The following RNF170 variants were observed in gnomAD, a reference collection of about 807,000 sequenced individuals.
The protein encoded by RNF170 is E3 ubiquitin-protein ligase RNF170.
RNF170 carries 12 observed loss-of-function variants against 32.7 expected under a neutral mutation model. The observed-to-expected ratio is 0.37, with a 90% CI of 0.24 to 0.60. The LOEUF is 0.60. Among genes scored for constraint, RNF170 ranks in the 20% least tolerant of loss-of-function variants. The probability of loss-of-function intolerance (pLI) is 0.72; values close to 1 mark genes in which losing one functional copy is unlikely to be tolerated. For synonymous variants in RNF170, 91 were observed against 103.6 expected (o/e 0.88, Z 0.74); for missense variants, 212 against 311.2 (o/e 0.68, Z 2.40).
chr8:42,875,006 T>C (rs1804806629), intron 2 of RNF170, among the ~76,000 whole-genome samples: 1 of 151,584 alleles, frequency 6.6e-6, no homozygotes, highest in Non-Finnish European at 1.5e-5. Flanking sequence ...ACCCTGTCTC[T>C]ATTAAAAATA....
At chr8:42,882,295 A>G (rs944504541) in intron 2 of RNF170, among the ~76,000 whole-genome samples, 7 of 152,238 alleles carry the variant, frequency 4.6e-5, no homozygotes, top group African/African-American at 1.7e-4. Context: ...TAGCAGCATT[A>G]TTCACAACAG....
intron 1 of RNF170, among the ~76,000 whole-genome samples, chr8:42,895,659 G>A (rs1198989044): frequency 6.6e-6 from 1 of 152,166 alleles, no homozygotes; most frequent in African/African-American, 2.4e-5. Flanking sequence ...TGGATTCACT[G>A]TTCTATTCAC....
At chr8:42,863,594 AC>A (rs1803829191) in intron 5 of RNF170, among the ~76,000 whole-genome samples, 1 of 152,186 alleles carries the variant, frequency 6.6e-6, no homozygotes, top group Admixed American at 6.5e-5. Context: ...GGTGTGCGCC[AC>A]CATGCGCAGC....
At chr8:42,857,434 C>G (rs1199095473) in intron 6 of RNF170, among the ~76,000 whole-genome samples, 2 of 152,212 alleles carry the variant, frequency 1.3e-5, no homozygotes, top group Non-Finnish European at 2.9e-5. Context: ...GATACTCTAA[C>G]AAACAGCCAG....
chr8:42,890,141 A>G (rs1464060860), intron 1 of RNF170, among the ~76,000 whole-genome samples: 1 of 151,902 alleles, frequency 6.6e-6, no homozygotes, highest in African/African-American at 2.4e-5. Context: ...AAAAAAATGC[A>G]TTGCATTTGT....
chr8:42,874,516 G>A (rs554252252), intron 2 of RNF170, among the ~76,000 whole-genome samples: 2 of 152,168 alleles, frequency 1.3e-5, no homozygotes, highest in African/African-American at 2.4e-5. Flanking sequence ...CAAGGCGGGT[G>A]GATCACCTGA....
At position 42,854,900 on chromosome 8, in the gene RNF170, C is replaced by T; in HGVS notation, c.*1259G>A. ...TCAAGACATGAATCTGAGCTGTGTG[C>T]TGCCATCCTGAGACAGTATTATAAA... On this transcript the variant is annotated 3_prime_UTR_variant, in exon 7 of 7. Coordinates refer to ENST00000527424, the MANE Select transcript of RNF170 (RefSeq NM_030954.4). 2.3e-6 allele frequency: 3 copies of T among 1,287,242 alleles called. No individual in the cohort carries two copies. Among genetic ancestry groups the T allele is most frequent in the South Asian group, 2.5e-5 (2 of 80,940 alleles). 79.7% of individuals were successfully genotyped at this position (1,287,242 alleles called of 1,614,324 possible).
chr8:42,853,713 TA>T lies in RNF170; in HGVS notation c.*2445del. 7.8e-7 allele frequency: 1 copy of T among 1,287,224 alleles called. No homozygotes were observed. The highest frequency in any genetic ancestry group is 1.0e-6 in the Non-Finnish European group (1 of 988,686). 79.7% of individuals were successfully genotyped at this position (1,287,224 alleles called of 1,614,324 possible). ...AAACTCTGATTGACTCTACTTGCTT[TA>T]AAAACTCTCAGATCCCTTCTGCATT... is the stretch of plus-strand genomic sequence containing the variant. On this transcript the variant is annotated 3_prime_UTR_variant, in exon 7 of 7. Transcript: ENST00000527424.
chr8:42,870,905 G>A (rs1446108207), intron 3 of RNF170, among the ~76,000 whole-genome samples: 1 of 151,964 alleles, frequency 6.6e-6, no homozygotes, highest in Non-Finnish European at 1.5e-5. Context: ...TTGTACCTCA[G>A]GACCTAGAAA....
At position 42,866,320 on chromosome 8, in the gene RNF170, TC is replaced by T. The variant is rs1420603199; in HGVS notation, c.323-832del. ...ACTATGGGTGGCTGAGGCGGGTGGA[TC>T]ACGAGGTCAGGAGTTCGAGACCAGC... On this transcript the variant is annotated intron_variant, in intron 4 of 6. Coordinates refer to ENST00000527424, the MANE Select transcript of RNF170 (RefSeq NM_030954.4). 2.0e-5 allele frequency among the ~76,000 whole-genome samples: 3 copies of T among 151,938 alleles called. No homozygotes were observed. The East Asian group carries it at 5.8e-4, about 29-fold the overall frequency.
intron 5 of RNF170, among the ~76,000 whole-genome samples, chr8:42,863,980 AGTGTGTGT>A (rs71231874): frequency 0.026 from 3,685 of 139,562 alleles, 176 homozygotes; most frequent in African/African-American, 0.094. Flanking sequence ...AGAGAGAGAG[AGTGTGTGT>A]GTGTGTGTGT....
intron 1 of RNF170, among the ~76,000 whole-genome samples, chr8:42,894,703 T>C (rs2130242750): frequency 6.6e-6 from 1 of 152,270 alleles, no homozygotes; most frequent in South Asian, 2.1e-4. Flanking sequence ...TAGCTGGGAC[T>C]ACAGGAGCCC....
intron 2 of RNF170, among the ~76,000 whole-genome samples, chr8:42,876,209 G>C (rs747805652): frequency 3.4e-4 from 51 of 150,032 alleles, no homozygotes; most frequent in Middle Eastern, 7.0e-3. Context: ...TCTGGTGGTA[G>C]AATATTTAAT....
intron 1 of RNF170, among the ~76,000 whole-genome samples, chr8:42,894,078 C>G (rs1482533032): frequency 1.3e-5 from 2 of 152,182 alleles, no homozygotes; most frequent in Non-Finnish European, 2.9e-5. Flanking sequence ...CTTTTTACCC[C>G]AAGGCTTACG....
Position 42,855,904 on chromosome 8 carries a change from T to G in RNF170, c.*255A>C. On this transcript the variant is annotated 3_prime_UTR_variant, in exon 7 of 7. Transcript: ENST00000527424. ...CATCCCTTTTTATATAATTCCATAT[T>G]TTTTCCAGACAACATAGAATCAAGA... The G allele has an allele frequency of 1.6e-6, 2 of 1,254,764 alleles. No individual in the cohort carries two copies. The highest frequency in any genetic ancestry group is 2.1e-6 in the Non-Finnish European group (2 of 958,120). 77.7% of individuals were successfully genotyped at this position (1,254,764 alleles called of 1,614,324 possible). A position where few individuals can be genotyped will look rare whatever the true frequency, so the allele number is the denominator to read the frequency against.
chr8:42,893,449 A>T (rs1332902011), intron 1 of RNF170, among the ~76,000 whole-genome samples: 2 of 152,184 alleles, frequency 1.3e-5, no homozygotes, highest in Non-Finnish European at 2.9e-5. Context: ...AAACAAGCAC[A>T]AGTTCCAGAG....
At chr8:42,864,891 A>T (rs1803966052) in intron 5 of RNF170, among the ~76,000 whole-genome samples, 1 of 151,912 alleles carries the variant, frequency 6.6e-6, no homozygotes, top group South Asian at 2.1e-4. Context: ...TTCAAATAGG[A>T]TTCCCTTTTG....
At chr8:42,877,133 A>G (rs1297941799) in intron 2 of RNF170, among the ~76,000 whole-genome samples, 2 of 150,310 alleles carry the variant, frequency 1.3e-5, no homozygotes, top group East Asian at 3.9e-4. Context: ...TCACTGTGTT[A>G]GCCAGGATGG....
chr8:42,870,127 G>A lies in RNF170; in HGVS notation c.214-15C>T, dbSNP rs200074854. ...GCAGGTGCATCCTAATAAGAACACA[G>A]GTGCACACATTGGAACACAACACAT... On this transcript the variant is annotated splice_polypyrimidine_tract_variant and intron_variant, in intron 3 of 6. Transcript: ENST00000527424. 3 of 1,573,002 alleles carry A rather than the reference G, an allele frequency of 1.9e-6. No individual in the cohort carries two copies. In the East Asian group the frequency reaches 6.7e-5, roughly 35 times the overall value.
Sources: gnomAD v4.1 joint callset for allele counts (sites outside exome capture counted in the v4.1 genomes callset) on GRCh38, gnomAD v4.1.1 for gene constraint, MANE v1.5 for transcripts, NCBI Gene and HGNC (gene_info 2026-07-23, HGNC 2026-07-21) for gene names.